Variants in LRRIQ3 observed in about 807,000 individuals in gnomAD.
LRRIQ3 encodes the protein leucine-rich repeat and IQ domain-containing protein 3.
A neutral mutation model predicts 59.3 loss-of-function variants in LRRIQ3; 75 were observed. The ratio of observed to expected loss-of-function variants is 1.26; its 90% CI spans 1.05 to 1.53. The LOEUF is 1.53. Ranked by LOEUF, LRRIQ3 falls within the 40% of genes most tolerant of loss-of-function variation. The pLI is 0.00. For synonymous variants in LRRIQ3, 250 were observed against 231.3 expected (o/e 1.08, Z -0.73); for missense variants, 831 against 710.0 (o/e 1.17, Z -1.94).
chr1:74,062,693 G>T (rs1316652946), intron 6 of LRRIQ3, among the ~76,000 whole-genome samples: 2 of 152,102 alleles, frequency 1.3e-5, no homozygotes, highest in Non-Finnish European at 2.9e-5. Flanking sequence ...TAGTAACATG[G>T]TTGGAGCTGT....
Position 74,028,944 on chromosome 1 carries a change from T to C in LRRIQ3, c.1719-1975A>G, listed in dbSNP as rs188305419. Among the ~76,000 whole-genome samples the C allele has an allele frequency of 4.6e-3, 698 of 152,048 alleles. 2 individuals are homozygous for C. The highest frequency in any genetic ancestry group is 0.013 in the Admixed American group (196 of 15,218). ...GGAATCTTGCACATGTAATTAAGGA[T>C]AGTAATTAAGTCAATAAATGTACTA... On this transcript the variant is annotated intron_variant, in intron 7 of 7. Coordinates refer to ENST00000354431, the MANE Select transcript of LRRIQ3 (RefSeq NM_001105659.2).
intron 3 of LRRIQ3, among the ~76,000 whole-genome samples, chr1:74,156,785 T>C (rs1467022059): frequency 1.3e-5 from 2 of 152,148 alleles, no homozygotes; most frequent in Non-Finnish European, 2.9e-5. Context: ...TTGAGAAAGA[T>C]CTCCTTTCCT....
At chr1:74,183,360 G>T in intron 2 of LRRIQ3, 76 bp downstream of exon 2, 1 of 1,248,380 alleles carries the variant, frequency 8.0e-7, no homozygotes, top group Non-Finnish European at 1.1e-6. Context: ...GAAATACTGT[G>T]GATAGGTAAC....
intron 7 of LRRIQ3, among the ~76,000 whole-genome samples, chr1:74,029,233 C>T (rs1202253325): frequency 6.6e-6 from 1 of 152,054 alleles, no homozygotes; most frequent in Non-Finnish European, 1.5e-5. Flanking sequence ...TTGCCCTGGC[C>T]AGAACTTCCA....
At chr1:74,133,154 A>T (rs1483711544) in intron 4 of LRRIQ3, among the ~76,000 whole-genome samples, 1 of 152,136 alleles carries the variant, frequency 6.6e-6, no homozygotes, top group Non-Finnish European at 1.5e-5. Context: ...AATCAAAAAC[A>T]CAATGAGATA....
chr1:74,193,686 A>T (rs970378784), intron 1 of LRRIQ3, among the ~76,000 whole-genome samples: 1 of 152,120 alleles, frequency 6.6e-6, no homozygotes, highest in African/African-American at 2.4e-5. Flanking sequence ...AAGCTTTCAG[A>T]TACTTGGAAG....
At chr1:74,178,260 T>A (rs570176106) in intron 3 of LRRIQ3, among the ~76,000 whole-genome samples, 227 of 152,118 alleles carry the variant, frequency 1.5e-3, no homozygotes, top group African/African-American at 5.4e-3. Flanking sequence ...TTTACTTACA[T>A]TTACATTCAG....
At chr1:74,154,041 A>G (rs1648150653) in intron 4 of LRRIQ3, among the ~76,000 whole-genome samples, 1 of 151,896 alleles carries the variant, frequency 6.6e-6, no homozygotes, top group Non-Finnish European at 1.5e-5. Context: ...GGAGATTGAG[A>G]CCATCCTGGC....
At chr1:74,143,011 C>T (rs367706138) in intron 4 of LRRIQ3, among the ~76,000 whole-genome samples, 1 of 152,140 alleles carries the variant, frequency 6.6e-6, no homozygotes, top group African/African-American at 2.4e-5. Context: ...CCTAGTACCA[C>T]TTCTGAAAAA....
chr1:74,072,568 G>A (rs11210404), intron 6 of LRRIQ3, among the ~76,000 whole-genome samples: 74,583 of 151,518 alleles, frequency 0.49, 19,352 homozygotes, highest in East Asian at 0.82. Flanking sequence ...TTGGGCTTGT[G>A]AACAAAGAAG....
At chr1:74,053,189 A>C (rs1210441395) in intron 6 of LRRIQ3, among the ~76,000 whole-genome samples, 1 of 151,708 alleles carries the variant, frequency 6.6e-6, no homozygotes, top group Non-Finnish European at 1.5e-5. Context: ...AAAAAAAAAA[A>C]AAAAACAAAT....
chr1:74,148,121 T>C (rs2100651496), intron 4 of LRRIQ3, among the ~76,000 whole-genome samples: 1 of 152,322 alleles, frequency 6.6e-6, no homozygotes, highest in Non-Finnish European at 1.5e-5. Context: ...GCATTATGTT[T>C]CCTGCTTTTT....
At chr1:74,073,476 A>C (rs1655084743) in intron 6 of LRRIQ3, among the ~76,000 whole-genome samples, 1 of 151,974 alleles carries the variant, frequency 6.6e-6, no homozygotes, top group Admixed American at 6.6e-5. Flanking sequence ...ACTCCACTGC[A>C]CTCAAACTTA....
intron 6 of LRRIQ3, among the ~76,000 whole-genome samples, chr1:74,054,232 C>T (rs1557594717): frequency 2.7e-5 from 4 of 150,396 alleles, no homozygotes; most frequent in African/African-American, 4.9e-5. Flanking sequence ...AAAAAAACCA[C>T]GAAAAATAAA....
Position 74,041,402 on chromosome 1 carries a change from T to G in LRRIQ3, c.1529A>C (p.Gln510Pro). 6.2e-7 allele frequency: 1 copy of G among 1,613,886 alleles called. No homozygotes were observed. Among genetic ancestry groups the G allele is most frequent in the Non-Finnish European group, 8.5e-7 (1 of 1,179,900 alleles). ...RKALFLKEKS[Q>P]KASERLLVQN... The stretch of plus-strand genomic sequence containing the variant: ...AACTAATAAACGCTCTGAAGCCTTT[T>G]GGGATTTTTCTTTTAGAAACAGAGC... The change falls in exon 7 of 8, where the codon CAA becomes CCA. Residue 510 changes from glutamine (Q) to proline (P), a missense_variant. By Grantham distance (76) the Gln-to-Pro change is moderately conservative. Coordinates refer to ENST00000354431, the MANE Select transcript of LRRIQ3 (RefSeq NM_001105659.2).
At chr1:74,067,447 A>G (rs1018493187) in intron 6 of LRRIQ3, among the ~76,000 whole-genome samples, 6 of 152,138 alleles carry the variant, frequency 3.9e-5, no homozygotes, top group Non-Finnish European at 7.3e-5. Context: ...CAGAGGCTAC[A>G]AAAGCTTTTT....
At chr1:74,043,792 C>A (rs1345695192) in intron 6 of LRRIQ3, among the ~76,000 whole-genome samples, 2 of 152,106 alleles carry the variant, frequency 1.3e-5, no homozygotes, top group Non-Finnish European at 2.9e-5. Context: ...TTATGGCTTT[C>A]CACCCATAGT....
At chr1:74,053,901 C>G (rs1274139313) in intron 6 of LRRIQ3, among the ~76,000 whole-genome samples, 3 of 152,116 alleles carry the variant, frequency 2.0e-5, no homozygotes, top group Admixed American at 6.5e-5. Context: ...AACAGGACCT[C>G]TCATTCATTG....
At chr1:74,175,367 C>T (rs568948008) in intron 3 of LRRIQ3, among the ~76,000 whole-genome samples, 6 of 152,170 alleles carry the variant, frequency 3.9e-5, no homozygotes, top group South Asian at 2.1e-4. Context: ...CTAGTTGTCC[C>T]GTGATGATTT....
Sources: gnomAD v4.1 joint callset for allele counts (sites outside exome capture counted in the v4.1 genomes callset) on GRCh38, gnomAD v4.1.1 for gene constraint, MANE v1.5 for transcripts, NCBI Gene and HGNC (gene_info 2026-07-23, HGNC 2026-07-21) for gene names.